Variants in TC2N observed in about 807,000 individuals in gnomAD.
TC2N encodes the protein tandem C2 domains, nuclear, also known as tandem C2 domains nuclear protein.
A neutral mutation model predicts 61.9 loss-of-function variants in TC2N; 51 were observed. The ratio of observed to expected loss-of-function variants is 0.82; its 90% CI spans 0.66 to 1.04. The LOEUF (loss-of-function observed/expected upper bound fraction) is 1.04, where lower values mean the gene tolerates loss of function less well. TC2N is among the 50% of genes least tolerant of loss of function. The pLI, the probability that TC2N is intolerant of heterozygous loss-of-function variation, is 0.00. For missense variants in TC2N, 556 were observed against 566.7 expected (o/e 0.98, Z 0.19); for synonymous variants, 204 against 192.6 (o/e 1.06, Z -0.49).
Position 91,828,586 on chromosome 14 carries a change from G to T in TC2N, c.-56-14761C>A, listed in dbSNP as rs1488282044. ...CCCAATTTTCCTATAATTTTGTATA[G>T]CTTATTTGAGTGAAATAGGTTTAAA... On this transcript the variant is annotated intron_variant, in intron 1 of 11. Coordinates refer to ENST00000435962, the MANE Select transcript of TC2N (RefSeq NM_001128596.3). 3.3e-5 allele frequency among the ~76,000 whole-genome samples: 5 copies of T among 151,582 alleles called. No individual in the cohort carries two copies. In the East Asian group the frequency reaches 9.6e-4, roughly 29 times the overall value.
At chr14:91,833,633 A>AC (rs1423103133) in intron 1 of TC2N, among the ~76,000 whole-genome samples, 4 of 151,768 alleles carry the variant, frequency 2.6e-5, no homozygotes, top group Non-Finnish European at 4.4e-5. Flanking sequence ...TCTTTCCCCT[A>AC]CCCCCAAGTA....
chr14:91,812,570 C>T (rs1267715305), intron 2 of TC2N, 25 bp from the exon 3 acceptor site: 1 of 1,196,524 alleles, frequency 8.4e-7, no homozygotes, highest in Non-Finnish European at 1.2e-6. Flanking sequence ...AAAAAAAAGT[C>T]ACAAATATGA....
intron 3 of TC2N, among the ~76,000 whole-genome samples, chr14:91,809,388 A>T: frequency 6.6e-6 from 1 of 152,182 alleles, no homozygotes; most frequent in East Asian, 1.9e-4. Context: ...AGCCTGGGCA[A>T]CAGAGTGAGA....
At chr14:91,829,969 T>C (rs1206110981) in intron 1 of TC2N, among the ~76,000 whole-genome samples, 1 of 152,118 alleles carries the variant, frequency 6.6e-6, no homozygotes, top group African/African-American at 2.4e-5. Context: ...ATGCCACTGA[T>C]CATTAGGAAA....
rs1222619950 is a variant in TC2N, at chr14:91,780,590, T to C, written c.*2510A>G. The C allele has an allele frequency of 6.6e-6, 1 of 152,182 alleles. No homozygotes were observed. Among genetic ancestry groups the C allele is most frequent in the Non-Finnish European group, 1.5e-5 (1 of 68,014 alleles). The allele number at this position is 152,182 out of a possible 1,614,324, so 9.4% of individuals were successfully genotyped here. On this transcript the variant is annotated 3_prime_UTR_variant, in exon 12 of 12. Coordinates refer to ENST00000435962, the MANE Select transcript of TC2N (RefSeq NM_001128596.3). ...TGAAAGCTTACAAGTAAATCCACTG[T>C]TAGGAATGAGCACTGTAAAAGCTAT...
At chr14:91,826,200 G>T (rs1215828488) in intron 1 of TC2N, among the ~76,000 whole-genome samples, 1 of 151,596 alleles carries the variant, frequency 6.6e-6, no homozygotes, top group Non-Finnish European at 1.5e-5. Flanking sequence ...CATACCTGTA[G>T]TTCCAGTTAC....
intron 1 of TC2N, among the ~76,000 whole-genome samples, chr14:91,847,466 A>C (rs561808633): frequency 6.6e-5 from 10 of 152,328 alleles, no homozygotes; most frequent in Non-Finnish European, 1.0e-4. Context: ...CAGTTTCTAC[A>C]TAGTTATCTT....
intron 1 of TC2N, among the ~76,000 whole-genome samples, chr14:91,852,393 T>C (rs1888393287): frequency 6.6e-6 from 1 of 152,092 alleles, no homozygotes; most frequent in South Asian, 2.1e-4. Context: ...ATCATGCCAT[T>C]TCACTCCAGC....
chr14:91,833,521 C>A (rs909611960), intron 1 of TC2N, among the ~76,000 whole-genome samples: 2 of 151,882 alleles, frequency 1.3e-5, no homozygotes, highest in East Asian at 3.8e-4. Context: ...TAAATACATA[C>A]ACACACATTG....
At chr14:91,827,011 T>C (rs1453001670) in intron 1 of TC2N, among the ~76,000 whole-genome samples, 2 of 152,216 alleles carry the variant, frequency 1.3e-5, no homozygotes, top group Non-Finnish European at 2.9e-5. Flanking sequence ...AGTGTTTTAG[T>C]CCAGATAAAC....
rs1464070904 is a variant in TC2N, at chr14:91,799,006, C to G, written c.620G>C (p.Gly207Ala). The G allele has an allele frequency of 2.5e-6, 4 of 1,597,504 alleles. No homozygotes were observed. Among genetic ancestry groups the G allele is most frequent in the Non-Finnish European group, 3.4e-6 (4 of 1,171,524 alleles). ...TTCCTTACCCAGGCTTCTGTTACTC[C>G]CCTGAGAATTTTTCCTTGAAGAAGA... is the stretch of plus-strand genomic sequence containing the variant. ...SSSSSRKNSQ[G>A]SNRSLDTITL... The change falls in exon 6 of 12, where the codon GGG becomes GCG. Residue 207 changes from glycine to alanine, a missense_variant. Gly to Ala is a moderately conservative substitution (Grantham distance 60). Transcript: ENST00000435962.
chr14:91,863,806 C>T lies in TC2N; in HGVS notation c.-57+3456G>A, dbSNP rs539423618. Among the ~76,000 whole-genome samples the T allele has an allele frequency of 4.5e-5, 6 of 134,030 alleles. No homozygotes were observed. In the South Asian group the frequency reaches 1.2e-3, roughly 26 times the overall value. The allele number at this position is 134,030 out of a possible 152,430, so 87.9% of individuals were successfully genotyped here. Reference sequence around the variant, plus strand: ...CTCAAGATCAGCCTGGGCAAAAAAGCGAGACCCCAGACTCCATCTCTACAA... The same window carrying T: ...CTCAAGATCAGCCTGGGCAAAAAAGTGAGACCCCAGACTCCATCTCTACAA... On this transcript the variant is annotated intron_variant, in intron 1 of 11. Transcript: ENST00000435962.
chr14:91,810,849 C>G (rs1886730392), intron 3 of TC2N, among the ~76,000 whole-genome samples: 1 of 148,990 alleles, frequency 6.7e-6, no homozygotes, highest in Non-Finnish European at 1.5e-5. Context: ...ATCTAAAGAA[C>G]AGAGAAAAAA....
In TC2N at chr14:91,780,391, TTA is replaced by T. The variant is rs965553054; in HGVS notation, c.*2707_*2708del. On this transcript the variant is annotated 3_prime_UTR_variant, in exon 12 of 12. Transcript: ENST00000435962. ...AGTTTAGGGTCTTTTCAGACCACAA[TTA>T]TATAACTTGTTCAAAATCCCACTAG... The T allele has an allele frequency of 2.0e-5, 3 of 152,236 alleles. No homozygotes were observed. Among genetic ancestry groups the T allele is most frequent in the African/African-American group, 7.2e-5 (3 of 41,460 alleles). The allele number at this position is 152,236 out of a possible 1,614,324, so 9.4% of individuals were successfully genotyped here. A position where few individuals can be genotyped will look rare whatever the true frequency, so the allele number is the denominator to read the frequency against.
intron 1 of TC2N, among the ~76,000 whole-genome samples, chr14:91,814,900 T>C (rs1387489833): frequency 6.6e-6 from 1 of 151,694 alleles, no homozygotes; most frequent in Non-Finnish European, 1.5e-5. Context: ...GTAAGCTAGA[T>C]TTAATCATTT....
intron 1 of TC2N, chr14:91,866,570 G>A (rs536044343): frequency 2.0e-5 from 3 of 152,200 alleles, no homozygotes; most frequent in Admixed American, 6.5e-5. Flanking sequence ...TTTTGCAGGC[G>A]TCCCTACTCT....
In TC2N at chr14:91,837,937, C is replaced by T. The variant is rs1888078740; in HGVS notation, c.-56-24112G>A. Among the ~76,000 whole-genome samples, 1 of 152,164 alleles carries T rather than the reference C, an allele frequency of 6.6e-6. No individual in the cohort carries two copies. Among genetic ancestry groups the T allele is most frequent in the Non-Finnish European group, 1.5e-5 (1 of 68,028 alleles). On this transcript the variant is annotated intron_variant, in intron 1 of 11. Coordinates refer to ENST00000435962, the MANE Select transcript of TC2N (RefSeq NM_001128596.3). The surrounding 1 kb of genome is among the most constrained non-coding windows in gnomAD (Gnocchi z 4.2). ...TATCACAAATGTTTGCAAAGTTGTG[C>T]ACTGTTCACACAAAACTTTCATGAG...
At chr14:91,839,761 A>C (rs1374201838) in intron 1 of TC2N, among the ~76,000 whole-genome samples, 1 of 152,190 alleles carries the variant, frequency 6.6e-6, no homozygotes, top group African/African-American at 2.4e-5. Flanking sequence ...AAGCCTATAC[A>C]TATTCATTCA....
At chr14:91,812,272 C>T (rs1185444018) in intron 3 of TC2N, 40 bp downstream of exon 3, 1 of 1,130,974 alleles carries the variant, frequency 8.8e-7, no homozygotes, top group Non-Finnish European at 1.2e-6. Context: ...CACTTAAATG[C>T]TACATATCGA....
Sources: gnomAD v4.1 joint callset for allele counts (sites outside exome capture counted in the v4.1 genomes callset) on GRCh38, gnomAD v4.1.1 for gene constraint, Gnocchi (gnomAD v3.1) non-coding constraint, MANE v1.5 for transcripts, NCBI Gene and HGNC (gene_info 2026-07-23, HGNC 2026-07-21) for gene names.